The following ACO2 variants were observed in gnomAD, a reference collection of about 807,000 sequenced individuals.
ACO2 encodes the protein aconitate hydratase, mitochondrial.
ACO2 carries 31 observed loss-of-function variants against 84.5 expected under a neutral mutation model. The observed-to-expected ratio is 0.37, with a 90% confidence interval of 0.28 to 0.50. The LOEUF is 0.50. Among genes scored for constraint, ACO2 ranks in the 20% least tolerant of loss-of-function variants. ACO2 has a pLI of 0.97. For synonymous variants in ACO2, 414 were observed against 412.7 expected, an observed-to-expected ratio of 1.00 and a Z score of -0.04; for missense variants, 685 against 1,029.3, an observed-to-expected ratio of 0.67 and a Z score of 4.58.
chr22:41,513,913 C>T (rs1224519489), intron 4 of ACO2, among the ~76,000 whole-genome samples: 4 of 152,188 alleles, frequency 2.6e-5, no homozygotes, highest in East Asian at 3.9e-4. Flanking sequence ...CTGACCTCTC[C>T]CCCTGGATGT....
intron 9 of ACO2, among the ~76,000 whole-genome samples, chr22:41,521,778 CT>C (rs1041027606): frequency 1.8e-3 from 264 of 143,122 alleles, no homozygotes; most frequent in South Asian, 2.0e-3. Context: ...AATCCCAACC[CT>C]TTTTTTTTTT....
intron 17 of ACO2, 92 bp from the exon 18 acceptor site, chr22:41,528,386 TC>T: frequency 6.5e-7 from 1 of 1,532,890 alleles, no homozygotes. Context: ...ACCTCTTAGG[TC>T]CCCAGGCAGT....
chr22:41,471,853 C>T (rs1568997868), intron 1 of ACO2, among the ~76,000 whole-genome samples: 1 of 152,166 alleles, frequency 6.6e-6, no homozygotes, highest in Non-Finnish European at 1.5e-5. Context: ...TGGTTGAGAG[C>T]ATGGACTCTG....
intron 1 of ACO2, among the ~76,000 whole-genome samples, chr22:41,483,739 G>A (rs1289456126): frequency 6.6e-6 from 1 of 152,112 alleles, no homozygotes; most frequent in African/African-American, 2.4e-5. Flanking sequence ...TGGGCATGGT[G>A]GCTTACACCT....
chr22:41,492,400 G>A (rs1307126442), intron 1 of ACO2, among the ~76,000 whole-genome samples: 4 of 152,300 alleles, frequency 2.6e-5, no homozygotes, highest in African/African-American at 9.6e-5. Flanking sequence ...ACTTTGGGAG[G>A]CCGAGGCAGG....
At chr22:41,481,339 G>A (rs1322898341) in intron 1 of ACO2, among the ~76,000 whole-genome samples, 2 of 152,172 alleles carry the variant, frequency 1.3e-5, no homozygotes, top group African/African-American at 4.8e-5. Flanking sequence ...TAAAGCAACT[G>A]TCTCAAGAGA....
Position 41,520,254 on chromosome 22 carries a change from A to C in ACO2, c.1116A>C (p.Gly372=), listed in dbSNP as rs1331195832. ...TGGGCAAGGTGGCAGAGAAGGAAGG[A>C]TGGCCTCTGGACATCCGAGTGGGTG... ...AEVGKVAEKE[G]WPLDIRVGLI... Residue 372 remains glycine (G), a synonymous_variant, in exon 9 of 18, where the codon GGA becomes GGC. Coordinates refer to ENST00000216254, the MANE Select transcript of ACO2 (RefSeq NM_001098.3). 3 of 1,613,876 alleles carry C rather than the reference A, an allele frequency of 1.9e-6. No homozygotes were observed. The highest frequency in any genetic ancestry group is 2.5e-6 in the Non-Finnish European group (3 of 1,179,960).
chr22:41,475,738 C>CA (rs1050805433), intron 1 of ACO2, among the ~76,000 whole-genome samples: 41 of 147,568 alleles, frequency 2.8e-4, no homozygotes, highest in African/African-American at 6.4e-4. Flanking sequence ...ACTAAAAATA[C>CA]AAAAAAAAAA....
intron 8 of ACO2, among the ~76,000 whole-genome samples, chr22:41,519,807 C>CAGA (rs776179412): frequency 1.3e-4 from 18 of 134,928 alleles, no homozygotes; most frequent in Admixed American, 5.0e-4. Context: ...GACTCCATCT[C>CAGA]AAAAAAAAAA....
At chr22:41,521,661 T>C (rs2066527637) in intron 9 of ACO2, 1 of 152,200 alleles carries the variant, frequency 6.6e-6, no homozygotes, top group Non-Finnish European at 1.5e-5. Flanking sequence ...CCTTATTCAT[T>C]GAAGTAATTT....
intron 16 of ACO2, 80 bp downstream of exon 16, chr22:41,527,500 G>C: frequency 6.5e-7 from 1 of 1,534,844 alleles, no homozygotes; most frequent in Non-Finnish European, 8.7e-7. Context: ...TGGCTGAGTT[G>C]GGCCTGGTTC....
chr22:41,527,759 G>A (rs1333010636), intron 16 of ACO2, 142 bp from the exon 17 acceptor site: 1 of 1,401,036 alleles, frequency 7.1e-7, no homozygotes. Flanking sequence ...AAAGGGAGCA[G>A]ACCAGGGCCC....
intron 2 of ACO2, among the ~76,000 whole-genome samples, chr22:41,501,284 G>A (rs1290057769): frequency 1.3e-5 from 2 of 152,134 alleles, no homozygotes; most frequent in African/African-American, 2.4e-5. Flanking sequence ...TTACAGGCGC[G>A]AGCCATGGTG....
intron 3 of ACO2, among the ~76,000 whole-genome samples, chr22:41,509,617 T>G (rs970223636): frequency 1.3e-5 from 2 of 152,008 alleles, no homozygotes; most frequent in African/African-American, 4.8e-5. Flanking sequence ...AGAACAGCAT[T>G]TGCAAAGACC....
intron 1 of ACO2, among the ~76,000 whole-genome samples, chr22:41,496,285 AG>A (rs1367590234): frequency 1.3e-5 from 2 of 152,166 alleles, no homozygotes; most frequent in African/African-American, 4.8e-5. Context: ...ACTACACTCC[AG>A]CCTGGGCGAT....
chr22:41,490,433 C>T (rs950799721), intron 1 of ACO2, among the ~76,000 whole-genome samples: 2 of 152,158 alleles, frequency 1.3e-5, no homozygotes, highest in Non-Finnish European at 2.9e-5. Context: ...CAACCATCAC[C>T]ATTATCTTCT....
At chr22:41,485,765 T>C (rs1337986692) in intron 1 of ACO2, among the ~76,000 whole-genome samples, 3 of 152,032 alleles carry the variant, frequency 2.0e-5, no homozygotes, top group African/African-American at 7.2e-5. Flanking sequence ...TTTTGTATTA[T>C]TAGTACAGAC....
At chr22:41,528,431 G>C (rs771766674) in intron 17 of ACO2, 48 bp from the exon 18 acceptor site, 1 of 1,599,818 alleles carries the variant, frequency 6.3e-7, no homozygotes, top group East Asian at 2.2e-5. Context: ...CGGGGCCAAG[G>C]GCACACAGTA....
intron 2 of ACO2, among the ~76,000 whole-genome samples, chr22:41,502,075 C>T (rs1426793873): frequency 1.3e-5 from 2 of 152,134 alleles, no homozygotes; most frequent in East Asian, 3.8e-4. Flanking sequence ...TAAGGCCATA[C>T]ATGTATTGAG....
Sources: gnomAD v4.1 joint callset for allele counts (sites outside exome capture counted in the v4.1 genomes callset) on GRCh38, gnomAD v4.1.1 for gene constraint, MANE v1.5 for transcripts, NCBI Gene and HGNC (gene_info 2026-07-23, HGNC 2026-07-21) for gene names.